JAZF1: variants seen among roughly 807,000 people sequenced by gnomAD.
The protein encoded by JAZF1 is juxtaposed with another zinc finger protein 1.
In JAZF1, 8 loss-of-function variants were observed where a neutral mutation model predicts 26.4. The ratio of observed to expected loss-of-function variants is 0.30; its 90% CI spans 0.18 to 0.55. The LOEUF (loss-of-function observed/expected upper bound fraction) is 0.55. Among genes scored for constraint, JAZF1 ranks in the 20% least tolerant of loss-of-function variants. JAZF1 has a pLI of 0.94. For synonymous variants in JAZF1, 126 were observed against 122.3 expected (o/e 1.03, Z -0.20); for missense variants, 199 against 322.0 (o/e 0.62, Z 2.92).
chr7:28,076,439 T>A (rs759262074), intron 1 of JAZF1, among the ~76,000 whole-genome samples: 1 of 152,128 alleles, frequency 6.6e-6, no homozygotes. Flanking sequence ...CAATGCAGGC[T>A]AACCAGAAAG....
chr7:27,956,550 G>A (rs919944285), intron 2 of JAZF1, among the ~76,000 whole-genome samples: 8 of 152,078 alleles, frequency 5.3e-5, no homozygotes, highest in South Asian at 2.1e-4. Flanking sequence ...ATTGTTCCCC[G>A]TTTTCCACTC....
At chr7:27,996,493 C>T (rs1583499450) in intron 1 of JAZF1, among the ~76,000 whole-genome samples, 1 of 152,296 alleles carries the variant, frequency 6.6e-6, no homozygotes, top group East Asian at 1.9e-4. Context: ...CAAATGCCCA[C>T]CCAGCCAGAT....
intron 1 of JAZF1, among the ~76,000 whole-genome samples, chr7:28,095,600 A>G (rs1394394609): frequency 6.6e-6 from 1 of 152,166 alleles, no homozygotes; most frequent in Non-Finnish European, 1.5e-5. Context: ...CACAAACCCT[A>G]ACCATATCAA....
At chr7:28,170,418 T>C (rs1783442236) in intron 1 of JAZF1, among the ~76,000 whole-genome samples, 1 of 149,102 alleles carries the variant, frequency 6.7e-6, no homozygotes, top group East Asian at 2.0e-4. Context: ...TGTGTATGTG[T>C]AGAGGGTTAG....
At chr7:28,118,011 A>G (rs1339226227) in intron 1 of JAZF1, 4 of 152,248 alleles carry the variant, frequency 2.6e-5, no homozygotes, top group Non-Finnish European at 5.9e-5. Context: ...AAAAAAAATT[A>G]CAACAAAAAT....
chr7:28,168,908 C>G (rs977301431), intron 1 of JAZF1, among the ~76,000 whole-genome samples: 1 of 152,222 alleles, frequency 6.6e-6, no homozygotes, highest in African/African-American at 2.4e-5. Flanking sequence ...CTCTGAAGGG[C>G]TAAGAACACA....
intron 2 of JAZF1, among the ~76,000 whole-genome samples, chr7:27,969,853 T>C (rs1324588677): frequency 1.3e-5 from 2 of 152,218 alleles, no homozygotes; most frequent in African/African-American, 4.8e-5. Context: ...CTTGATTCCG[T>C]GCAGTATGGC....
chr7:28,075,834 C>T (rs1328412945), intron 1 of JAZF1, among the ~76,000 whole-genome samples: 1 of 152,054 alleles, frequency 6.6e-6, no homozygotes, highest in Admixed American at 6.6e-5. Flanking sequence ...TCATTTGAAA[C>T]TTAATTTGAC....
intron 1 of JAZF1, among the ~76,000 whole-genome samples, chr7:28,019,768 TC>T (rs1240944510): frequency 6.6e-6 from 1 of 152,160 alleles, no homozygotes. Context: ...TTAAGACTCC[TC>T]CTTGCTTTAT....
chr7:28,155,144 G>C (rs1407426485), intron 1 of JAZF1, among the ~76,000 whole-genome samples: 4 of 152,208 alleles, frequency 2.6e-5, no homozygotes, highest in African/African-American at 9.6e-5. Context: ...GGAGGCTGCA[G>C]TAAAAACACA....
At chr7:27,916,180 A>T (rs1784441515) in intron 2 of JAZF1, among the ~76,000 whole-genome samples, 1 of 152,066 alleles carries the variant, frequency 6.6e-6, no homozygotes, top group Non-Finnish European at 1.5e-5. Context: ...ATAAAATACC[A>T]CAAGGACATT....
Position 28,168,178 on chromosome 7 carries a change from C to G in JAZF1, c.115+12285G>C, listed in dbSNP as rs185426844. On this transcript the variant is annotated intron_variant, in intron 1 of 4. Coordinates refer to ENST00000283928, the MANE Select transcript of JAZF1 (RefSeq NM_175061.4). Reference sequence around the variant, plus strand: ...CGGGTGGATCATGAGGTCAGGAGATCGAGACCATCCTGGCTAACATGGTGA... The same window carrying G: ...CGGGTGGATCATGAGGTCAGGAGATGGAGACCATCCTGGCTAACATGGTGA... Among the ~76,000 whole-genome samples the G allele has an allele frequency of 5.7e-3, 869 of 152,072 alleles. 10 individuals carry two copies. The highest frequency in any genetic ancestry group is 0.02 in the African/African-American group (842 of 41,492).
At chr7:28,036,142 G>A (rs1175603622) in intron 1 of JAZF1, among the ~76,000 whole-genome samples, 2 of 152,080 alleles carry the variant, frequency 1.3e-5, no homozygotes, top group Non-Finnish European at 2.9e-5. Flanking sequence ...TAACAACTGT[G>A]GGGGAAAATA....
chr7:28,147,153 C>A (rs1783040248), intron 1 of JAZF1, among the ~76,000 whole-genome samples: 1 of 124,676 alleles, frequency 8.0e-6, no homozygotes, highest in African/African-American at 2.6e-5. Context: ...GCCCAGAATT[C>A]TGATTTTTTT....
intron 1 of JAZF1, among the ~76,000 whole-genome samples, chr7:28,158,186 C>CACACACAG (rs149643430): frequency 0.061 from 8,810 of 143,328 alleles, 376 homozygotes; most frequent in African/African-American, 0.12. Context: ...CACACACACA[C>CACACACAG]AGAGAGAGAG....
chr7:28,173,445 AT>A (rs1408180526), intron 1 of JAZF1, among the ~76,000 whole-genome samples: 1 of 152,214 alleles, frequency 6.6e-6, no homozygotes, highest in African/African-American at 2.4e-5. Flanking sequence ...GTACACACAT[AT>A]ATGTGGTATG....
intron 1 of JAZF1, among the ~76,000 whole-genome samples, chr7:28,098,636 G>C (rs1262186272): frequency 6.6e-6 from 1 of 152,124 alleles, no homozygotes; most frequent in Non-Finnish European, 1.5e-5. Flanking sequence ...TAGCTCCTTT[G>C]AACTCTGGGA....
At chr7:27,887,256 T>A (rs1477467191) in intron 3 of JAZF1, among the ~76,000 whole-genome samples, 3 of 152,130 alleles carry the variant, frequency 2.0e-5, no homozygotes, top group Non-Finnish European at 2.9e-5. Flanking sequence ...GAAACCTGCA[T>A]TTGTACCCTG....
At chr7:28,159,794 T>G (rs1783251777) in intron 1 of JAZF1, among the ~76,000 whole-genome samples, 1 of 152,168 alleles carries the variant, frequency 6.6e-6, no homozygotes, top group African/African-American at 2.4e-5. Flanking sequence ...ACATAGCCTA[T>G]TATACTGTAG....
Sources: gnomAD v4.1 joint callset for allele counts (sites outside exome capture counted in the v4.1 genomes callset) on GRCh38, gnomAD v4.1.1 for gene constraint, MANE v1.5 for transcripts, NCBI Gene and HGNC (gene_info 2026-07-23, HGNC 2026-07-21) for gene names.